PZP: variants seen among roughly 807,000 people sequenced by gnomAD.
PZP encodes the protein pregnancy zone protein.
PZP carries 150 observed loss-of-function variants against 179.8 expected under a neutral mutation model. That is an observed-to-expected ratio of 0.83 (90% CI 0.73 to 0.96). The LOEUF (loss-of-function observed/expected upper bound fraction) is 0.96. Ranked by LOEUF, PZP falls within the 40% of genes least tolerant of loss-of-function variation. The pLI, the probability that PZP is intolerant of heterozygous loss-of-function variation, is 0.00. For synonymous variants in PZP, 624 were observed against 652.3 expected, an observed-to-expected ratio of 0.96 and a Z score of 0.66; for missense variants, 1,689 against 1,764.0, an observed-to-expected ratio of 0.96 and a Z score of 0.76.
In PZP at chr12:9,164,251, C is replaced by T; in HGVS notation, c.2496G>A (p.Val832=). The T allele has an allele frequency of 6.2e-7, 1 of 1,612,980 alleles. No homozygotes were observed. Among genetic ancestry groups the T allele is most frequent in the Non-Finnish European group, 8.5e-7 (1 of 1,179,210 alleles). Residue 832 remains valine (V), a synonymous_variant, in exon 20 of 36, where the codon GTG becomes GTA. Coordinates refer to ENST00000261336, the MANE Select transcript of PZP (RefSeq NM_002864.3). ...GGAAGGCTGGAGAGGCTTTCAGCTG[C>T]ACACTGACCTATCACCCCATGTGAG... ...NYLPKCIRVS[V]QLKASPAFLA...
intron 32 of PZP, 90 bp downstream of exon 32, chr12:9,152,130 G>T: frequency 1.0e-6 from 1 of 985,868 alleles, no homozygotes; most frequent in Non-Finnish European, 1.6e-6. Context: ...GCAGGATGAT[G>T]TTGACATGGT....
chr12:9,160,183 A>G lies in PZP; in HGVS notation c.3049+131T>C, dbSNP rs149875344. The G allele has an allele frequency of 9.8e-4, 1,065 of 1,087,066 alleles. 9 individuals are homozygous for G. The African/African-American group carries it at 0.013, about 14-fold the overall frequency. The allele number at this position is 1,087,066 out of a possible 1,614,324, so 67.3% of individuals were successfully genotyped here. ...ATGGATAGATCAAACACAACATCCTATTAGAGTGTGGGAAGATTGTTGTTT... is the reference window on the plus strand; with the variant it reads ...ATGGATAGATCAAACACAACATCCTGTTAGAGTGTGGGAAGATTGTTGTTT... On this transcript the variant is annotated intron_variant, in intron 24 of 35. Coordinates refer to ENST00000261336, the MANE Select transcript of PZP (RefSeq NM_002864.3).
intron 15 of PZP, 31 bp from the exon 16 acceptor site, chr12:9,169,622 T>A: frequency 6.5e-7 from 1 of 1,533,608 alleles, no homozygotes; most frequent in Non-Finnish European, 8.7e-7. Context: ...AAGGCAGAAC[T>A]GTTACTTACT....
At chr12:9,172,656 T>G (rs945022573) in intron 15 of PZP, among the ~76,000 whole-genome samples, 1 of 151,530 alleles carries the variant, frequency 6.6e-6, no homozygotes, top group African/African-American at 2.4e-5. Context: ...ACCAAGCAAA[T>G]GGAAAACAGA....
At chr12:9,168,681 TA>T (rs887940266) in intron 17 of PZP, 187 bp downstream of exon 17, 473 of 488,956 alleles carry the variant, frequency 9.7e-4, no homozygotes, top group Middle Eastern at 1.9e-3. Context: ...CGGATGTATC[TA>T]AAAAAAAATC....
At chr12:9,207,122 G>A (rs1290288982) in intron 1 of PZP, among the ~76,000 whole-genome samples, 2 of 152,134 alleles carry the variant, frequency 1.3e-5, no homozygotes, top group African/African-American at 4.8e-5. Flanking sequence ...TGCTTTCTGC[G>A]CTTTGGCCTG....
intron 28 of PZP, 74 bp downstream of exon 28, chr12:9,157,100 GC>G (rs1940811921): frequency 2.1e-6 from 3 of 1,414,578 alleles, no homozygotes; most frequent in South Asian, 2.6e-5. Context: ...TCCCAGACAG[GC>G]CCCAATGTGT....
chr12:9,187,553 A>C (rs1222252565), intron 13 of PZP, among the ~76,000 whole-genome samples: 1 of 152,216 alleles, frequency 6.6e-6, no homozygotes, highest in Non-Finnish European at 1.5e-5. Context: ...AATTACATAG[A>C]AATTAAACAA....
chr12:9,174,728 A>G (rs780777384), intron 15 of PZP, among the ~76,000 whole-genome samples: 5 of 152,306 alleles, frequency 3.3e-5, no homozygotes, highest in Admixed American at 2.6e-4. Flanking sequence ...CAGAAAGAAT[A>G]AAATACCTAG....
rs183237073 is a variant in PZP, at chr12:9,174,041, C to T, written c.1840-4450G>A. On this transcript the variant is annotated intron_variant, in intron 15 of 35. Coordinates refer to ENST00000261336, the MANE Select transcript of PZP (RefSeq NM_002864.3). ...CACAACAAAAAAAGAAAGCTTCAGGCGAATATCCCTGATGAACATCGATGC... is the reference window on the plus strand; with the variant it reads ...CACAACAAAAAAAGAAAGCTTCAGGTGAATATCCCTGATGAACATCGATGC... 2.8e-4 allele frequency among the ~76,000 whole-genome samples: 42 copies of T among 152,174 alleles called. No homozygotes were observed. In the South Asian group the frequency reaches 7.7e-3, roughly 28 times the overall value.
chr12:9,165,506 T>A, intron 18 of PZP, 139 bp from the exon 19 acceptor site: 1 of 941,214 alleles, frequency 1.1e-6, no homozygotes, highest in Non-Finnish European at 1.6e-6. Context: ...GTGTGAACAC[T>A]AGATTATGTC....
intron 10 of PZP, 138 bp downstream of exon 10, chr12:9,196,192 A>T: frequency 1.8e-6 from 1 of 552,888 alleles, no homozygotes; most frequent in East Asian, 2.9e-5. Flanking sequence ...TAGAAAGGAA[A>T]GTATTTCTCC....
At position 9,164,186 on chromosome 12, in the gene PZP, A is replaced by G. The variant is rs758401223; in HGVS notation, c.2561T>C (p.Ile854Thr). The G allele has an allele frequency of 1.9e-6, 3 of 1,610,124 alleles. No homozygotes were observed. In the South Asian group the frequency reaches 3.3e-5, roughly 18 times the overall value. ...QNTKGEESYC[I>T]CGNERQTLSW... ...CAAGGTTTGTCTCTCATTTCCACAGATACAATAGGATTCTTCTCCCTTTGT... is the reference window on the plus strand; with the variant it reads ...CAAGGTTTGTCTCTCATTTCCACAGGTACAATAGGATTCTTCTCCCTTTGT... The change falls in exon 20 of 36, where the codon ATC becomes ACC. Residue 854 changes from isoleucine (I) to threonine (T), a missense_variant. Transcript: ENST00000261336.
In PZP at chr12:9,181,014, A is replaced by G; in HGVS notation, c.1808T>C (p.Met603Thr). ...LRAVDQSVLL[M>T]KPEAELSVSS... The stretch of plus-strand genomic sequence containing the variant: ...CACAGAGAGCTCAGCCTCAGGCTTC[A>G]TGAGCAGCACACTTTGGTCCACAGC... Residue 603 changes from methionine (M) to threonine (T), a missense_variant, in exon 15 of 36, where the codon ATG (methionine) becomes ACG (threonine). Physicochemically the swap from Met to Thr is moderately conservative, Grantham distance 81 (BLOSUM62 -1). Transcript: ENST00000261336. 1 of 1,614,046 alleles carries G rather than the reference A, an allele frequency of 6.2e-7. No homozygotes were observed. The highest frequency in any genetic ancestry group is 1.7e-5 in the Admixed American group (1 of 60,004).
Position 9,192,198 on chromosome 12 carries a change from C to G in PZP, c.1541G>C (p.Gly514Ala). Residue 514 changes from glycine to alanine, a missense_variant, in exon 13 of 36, where the codon GGA (glycine) becomes GCA (alanine). By Grantham distance (60) the Gly-to-Ala change is moderately conservative. This residue lies in a region of PZP where 742 missense variants were observed against 730.5 expected (regional missense o/e 1.02). Coordinates refer to ENST00000261336, the MANE Select transcript of PZP (RefSeq NM_002864.3). ...ATGAATCTGAGGATACTCACTGTCT[C>G]CTGACTCCACAGGCAGAGTGTGGGT... ...SGTHTLPVES[G>A]DMKGSFALSF... is the part of the protein sequence containing the mutation. 6.2e-7 allele frequency: 1 copy of G among 1,613,502 alleles called. No homozygotes were observed. The highest frequency in any genetic ancestry group is 8.5e-7 in the Non-Finnish European group (1 of 1,179,458).
rs1254933181 is a variant in PZP at position 9,204,913 on chromosome 12, T to C, written c.84-962A>G. ...AGTTTGAGAACAGCCTGCACAACAT[T>C]GTGAGGTCCCCCATCTCTACAAAAA... On this transcript the variant is annotated intron_variant, in intron 1 of 35. Coordinates refer to ENST00000261336, the MANE Select transcript of PZP (RefSeq NM_002864.3). Among the ~76,000 whole-genome samples, 10 of 151,882 alleles carry C rather than the reference T, an allele frequency of 6.6e-5. 1 individual carries two copies.
At chr12:9,159,027 A>C (rs143813942) in intron 25 of PZP, among the ~76,000 whole-genome samples, 2 of 151,936 alleles carry the variant, frequency 1.3e-5, no homozygotes, top group African/African-American at 4.8e-5. Flanking sequence ...CTGCCCTTCC[A>C]CTTTTTTCCC....
downstream of PZP, among the ~76,000 whole-genome samples, chr12:9,147,994 A>C (rs896751874): frequency 3.3e-5 from 5 of 152,014 alleles, no homozygotes; most frequent in African/African-American, 9.7e-5. Context: ...CTCTTCTCAA[A>C]TACTTGATTT....
At chr12:9,205,616 T>C (rs896842061) in intron 1 of PZP, among the ~76,000 whole-genome samples, 3 of 152,194 alleles carry the variant, frequency 2.0e-5, no homozygotes, top group African/African-American at 7.2e-5. Flanking sequence ...CTTCAAAGCT[T>C]TAATGATTCA....
Sources: allele counts gnomAD v4.1 joint callset (sites outside exome capture counted in the v4.1 genomes callset), GRCh38; gene constraint gnomAD v4.1.1; regional missense constraint gnomAD v4.1.1; transcripts MANE v1.5; gene names NCBI Gene and HGNC (gene_info 2026-07-23, HGNC 2026-07-21).